The following PKHD1 variants were observed in gnomAD, a reference collection of about 807,000 sequenced individuals.
PKHD1 encodes PKHD1 ciliary IPT domain containing fibrocystin/polyductin.
PKHD1 carries 291 observed loss-of-function variants against 412.0 expected under a neutral mutation model. The ratio of observed to expected loss-of-function variants is 0.71; its 90% CI spans 0.64 to 0.78. The LOEUF is 0.78. Ranked by LOEUF, PKHD1 falls within the 30% of genes least tolerant of loss-of-function variation. The pLI is 0.00. For missense variants in PKHD1, 4,825 were observed against 4,950.7 expected, an observed-to-expected ratio of 0.97 and a Z score of 0.76; for synonymous variants, 1,777 against 1,821.5, an observed-to-expected ratio of 0.98 and a Z score of 0.62.
At chr6:51,969,404 T>A (rs951796475) in intron 35 of PKHD1, among the ~76,000 whole-genome samples, 5 of 152,148 alleles carry the variant, frequency 3.3e-5, no homozygotes, top group African/African-American at 9.7e-5. Flanking sequence ...CCAGACTTTT[T>A]AAAAAATTTT....
intron 37 of PKHD1, among the ~76,000 whole-genome samples, chr6:51,925,439 G>GTA (rs1785390930): frequency 1.2e-5 from 1 of 81,712 alleles, no homozygotes; most frequent in Admixed American, 1.5e-4. Flanking sequence ...ATTGTTCTTC[G>GTA]TGTGTGTGTG....
At chr6:51,691,927 G>A (rs1019632751) in intron 60 of PKHD1, among the ~76,000 whole-genome samples, 1 of 152,056 alleles carries the variant, frequency 6.6e-6, no homozygotes, top group Non-Finnish European at 1.5e-5. Flanking sequence ...AATGGCAAAC[G>A]CTGGCTCTTT....
At chr6:51,733,463 G>C (rs1246242924) in intron 60 of PKHD1, among the ~76,000 whole-genome samples, 2 of 151,584 alleles carry the variant, frequency 1.3e-5, no homozygotes, top group Admixed American at 6.6e-5. Context: ...TGTGAACCCA[G>C]GAGGCGGAGC....
intron 35 of PKHD1, chr6:51,975,663 G>T (rs1794305354): frequency 6.7e-6 from 1 of 149,344 alleles, no homozygotes; most frequent in African/African-American, 2.5e-5. Flanking sequence ...AGAAAGTGAA[G>T]TGCAGTGTTG....
intron 63 of PKHD1, among the ~76,000 whole-genome samples, chr6:51,647,695 G>A (rs903845009): frequency 6.6e-6 from 1 of 152,160 alleles, no homozygotes; most frequent in East Asian, 1.9e-4. Flanking sequence ...TGTCGTGGGG[G>A]CACTGAGTGG....
intron 43 of PKHD1, among the ~76,000 whole-genome samples, chr6:51,901,525 TG>T (rs1455775964): frequency 6.9e-6 from 1 of 145,484 alleles, no homozygotes; most frequent in East Asian, 2.0e-4. Context: ...TGTTGTGGGG[TG>T]GGGGGAGTGG....
intron 60 of PKHD1, among the ~76,000 whole-genome samples, chr6:51,739,644 T>C (rs1479043406): frequency 2.0e-5 from 3 of 152,250 alleles, no homozygotes; most frequent in Admixed American, 2.0e-4. Flanking sequence ...TGCTCATTGC[T>C]ATAGTTTCCA....
intron 66 of PKHD1, among the ~76,000 whole-genome samples, chr6:51,621,522 T>C (rs1181268274): frequency 6.6e-6 from 1 of 152,218 alleles, no homozygotes; most frequent in Non-Finnish European, 1.5e-5. Context: ...GAGACCTTCA[T>C]TGGAAATCTT....
chr6:51,636,037 G>A (rs1274152521), intron 64 of PKHD1, among the ~76,000 whole-genome samples: 2 of 152,118 alleles, frequency 1.3e-5, no homozygotes, highest in Non-Finnish European at 2.9e-5. Flanking sequence ...TACGAAGTCA[G>A]TACTACAAAC....
chr6:51,794,785 C>T (rs1794338534), intron 52 of PKHD1, among the ~76,000 whole-genome samples: 1 of 152,120 alleles, frequency 6.6e-6, no homozygotes, highest in Non-Finnish European at 1.5e-5. Context: ...AATATTCTTC[C>T]CCCACTGCTT....
chr6:51,900,662 T>C (rs1781093666), intron 43 of PKHD1, among the ~76,000 whole-genome samples: 1 of 151,848 alleles, frequency 6.6e-6, no homozygotes, highest in Non-Finnish European at 1.5e-5. Flanking sequence ...AAAGCCAAAA[T>C]TGACAAATGG....
At chr6:52,068,233 C>T (rs927543384) in intron 11 of PKHD1, among the ~76,000 whole-genome samples, 9 of 152,160 alleles carry the variant, frequency 5.9e-5, no homozygotes, top group Non-Finnish European at 8.8e-5. Flanking sequence ...AATGTCAGCC[C>T]CTGAGGAGCT....
Position 52,072,189 on chromosome 6 carries a change from G to T in PKHD1, c.528C>A (p.Ser176Arg). Residue 176 changes from serine (S) to arginine (R), a missense_variant and splice_region_variant, in exon 8 of 67, where the codon AGC (serine) becomes AGA (arginine). Coordinates refer to ENST00000371117, the MANE Select transcript of PKHD1 (RefSeq NM_138694.4). ...CTCCTTGAGCTTCCAAGATCACTGG[G>T]CTGGATTTAAAAAAAAATGAAAACA... ...TFDFDAEYID[S>R]PVILEAQGDK... 6.3e-7 allele frequency: 1 copy of T among 1,595,454 alleles called. No homozygotes were observed. Among genetic ancestry groups the T allele is most frequent in the Non-Finnish European group, 8.6e-7 (1 of 1,163,448 alleles).
At chr6:52,079,312 G>A (rs1811724809) in intron 5 of PKHD1, among the ~76,000 whole-genome samples, 1 of 152,154 alleles carries the variant, frequency 6.6e-6, no homozygotes, top group Non-Finnish European at 1.5e-5. Flanking sequence ...GAGCATGAAG[G>A]AGAATTCCAG....
intron 21 of PKHD1, 146 bp from the exon 22 acceptor site, chr6:52,050,441 C>T: frequency 1.2e-6 from 1 of 839,212 alleles, no homozygotes; most frequent in Non-Finnish European, 2.0e-6. Context: ...ATAAAGAACA[C>T]ATGGAGAGGA....
At chr6:52,079,857 C>T (rs1365263604) in intron 5 of PKHD1, 43 bp downstream of exon 5, 2 of 1,112,142 alleles carry the variant, frequency 1.8e-6, no homozygotes, top group Non-Finnish European at 2.8e-6. Flanking sequence ...CAAGCACACC[C>T]TTAGACTATG....
intron 35 of PKHD1, among the ~76,000 whole-genome samples, chr6:52,000,905 G>C (rs922769773): frequency 6.6e-6 from 1 of 152,110 alleles, no homozygotes; most frequent in South Asian, 2.1e-4. Context: ...AACAAAAGAG[G>C]CACAATTAAC....
At chr6:51,787,556 A>C (rs913159787) in intron 53 of PKHD1, among the ~76,000 whole-genome samples, 4 of 152,140 alleles carry the variant, frequency 2.6e-5, no homozygotes, top group Non-Finnish European at 5.9e-5. Context: ...AATTGGACAG[A>C]TGGGTTGAAA....
At chr6:51,675,138 C>T (rs545140612) in intron 60 of PKHD1, among the ~76,000 whole-genome samples, 40 of 152,210 alleles carry the variant, frequency 2.6e-4, no homozygotes, top group African/African-American at 8.9e-4. Context: ...GTTCCAGAGC[C>T]ACCAAATGGG....
Sources: gnomAD v4.1 joint callset for allele counts (sites outside exome capture counted in the v4.1 genomes callset) on GRCh38, gnomAD v4.1.1 for gene constraint, MANE v1.5 for transcripts, NCBI Gene and HGNC (gene_info 2026-07-23, HGNC 2026-07-21) for gene names.